Variants in USP8 observed in about 807,000 individuals in gnomAD.
The protein encoded by USP8 is ubiquitin specific peptidase 8.
USP8 carries 27 observed loss-of-function variants against 130.0 expected under a neutral mutation model. The observed-to-expected ratio is 0.21, with a 90% CI of 0.15 to 0.29. USP8 has a LOEUF of 0.29. Ranked by LOEUF, USP8 falls within the 10% of genes least tolerant of loss-of-function variation. The probability of loss-of-function intolerance (pLI) is 1.00; values close to 1 mark genes in which losing one functional copy is unlikely to be tolerated. For missense variants in USP8, 1,029 were observed against 1,312.2 expected, an observed-to-expected ratio of 0.78 and a Z score of 3.33; for synonymous variants, 392 against 444.1, an observed-to-expected ratio of 0.88 and a Z score of 1.48.
intron 15 of USP8, chr15:50,493,628 C>A: frequency 2.5e-6 from 1 of 397,456 alleles, no homozygotes. Flanking sequence ...GCCTATAGTC[C>A]CTGCTACTTG....
chr15:50,491,019 A>G (rs571665760), intron 14 of USP8, among the ~76,000 whole-genome samples: 14 of 152,066 alleles, frequency 9.2e-5, no homozygotes, highest in African/African-American at 3.4e-4. Flanking sequence ...CCTTCGTTGT[A>G]GTTTTGCTAT....
intron 15 of USP8, chr15:50,493,142 C>CGAAA: frequency 1.6e-6 from 1 of 609,566 alleles, no homozygotes; most frequent in East Asian, 3.5e-5. Context: ...AAGGTGGAAG[C>CGAAA]GAAAGAGGAC....
chr15:50,432,129 T>G (rs930205000), intron 1 of USP8, among the ~76,000 whole-genome samples: 2 of 152,184 alleles, frequency 1.3e-5, no homozygotes, highest in Non-Finnish European at 2.9e-5. Flanking sequence ...ACAAGCATTG[T>G]AGGATTCACA....
At chr15:50,486,330 T>C (rs947417256) in intron 12 of USP8, among the ~76,000 whole-genome samples, 1 of 151,456 alleles carries the variant, frequency 6.6e-6, no homozygotes. Context: ...GAAAAAAATA[T>C]TAAAAAATTA....
intron 1 of USP8, among the ~76,000 whole-genome samples, chr15:50,428,761 C>A (rs1443021135): frequency 2.0e-5 from 3 of 152,294 alleles, no homozygotes; most frequent in African/African-American, 7.2e-5. Flanking sequence ...ATCTTAGCAA[C>A]CTCAGCATGA....
intron 9 of USP8, 55 bp from the exon 10 acceptor site, chr15:50,477,221 G>C (rs1373091168): frequency 6.8e-7 from 1 of 1,478,160 alleles, no homozygotes; most frequent in East Asian, 2.3e-5. Context: ...AGAAATGTAA[G>C]TACTGTGTAT....
intron 14 of USP8, among the ~76,000 whole-genome samples, chr15:50,491,593 A>G (rs929968881): frequency 6.6e-6 from 1 of 152,210 alleles, no homozygotes; most frequent in African/African-American, 2.4e-5. Context: ...GCTGATTGAA[A>G]TATAGTTTAA....
chr15:50,428,203 G>T (rs867973163), intron 1 of USP8, among the ~76,000 whole-genome samples: 2 of 151,938 alleles, frequency 1.3e-5, no homozygotes, highest in African/African-American at 2.4e-5. Context: ...TGCACCCTCC[G>T]TCTGATGGGT....
At chr15:50,437,253 A>G (rs2050118784) in intron 1 of USP8, among the ~76,000 whole-genome samples, 1 of 152,160 alleles carries the variant, frequency 6.6e-6, no homozygotes, top group South Asian at 2.1e-4. Flanking sequence ...TGAGAACTAG[A>G]ACCTTGCTGT....
intron 8 of USP8, among the ~76,000 whole-genome samples, chr15:50,474,345 A>G (rs2051489370): frequency 6.6e-6 from 1 of 152,154 alleles, no homozygotes; most frequent in African/African-American, 2.4e-5. Flanking sequence ...AATGCTGGTG[A>G]GCATGTGGTG....
At chr15:50,493,425 T>G (rs759930457) in intron 15 of USP8, 11 of 518,830 alleles carry the variant, frequency 2.1e-5, no homozygotes, top group African/African-American at 1.9e-4. Context: ...TCCAGAAAAG[T>G]CAAATTAGGA....
intron 1 of USP8, among the ~76,000 whole-genome samples, chr15:50,437,065 A>G (rs2050112785): frequency 6.6e-6 from 1 of 151,932 alleles, no homozygotes; most frequent in African/African-American, 2.4e-5. Flanking sequence ...CCTAACTTTT[A>G]CATCTCTCTG....
At chr15:50,430,436 C>G (rs1331103865) in intron 1 of USP8, among the ~76,000 whole-genome samples, 1 of 152,124 alleles carries the variant, frequency 6.6e-6, no homozygotes, top group East Asian at 1.9e-4. Context: ...CAGGGTCTCC[C>G]TCTATTGCTC....
In USP8 at chr15:50,507,340, C is replaced by T. The variant is rs1473416921; in HGVS notation, c.*8252C>T. Reference sequence around the variant, plus strand: ...TCTATGCACTATATAACATTTAGAACTCAGAAAAGGTGTATTTCCCTTGAG... The same window carrying T: ...TCTATGCACTATATAACATTTAGAATTCAGAAAAGGTGTATTTCCCTTGAG... On this transcript the variant is annotated 3_prime_UTR_variant, in exon 20 of 20. Transcript: ENST00000307179. 6.6e-6 allele frequency: 1 copy of T among 152,148 alleles called. No individual in the cohort carries two copies. Among genetic ancestry groups the T allele is most frequent in the East Asian group, 1.9e-4 (1 of 5,192 alleles). The allele number at this position is 152,148 out of a possible 1,614,324, so 9.4% of individuals were successfully genotyped here. A position where few individuals can be genotyped will look rare whatever the true frequency, so the allele number is the denominator to read the frequency against.
intron 10 of USP8, among the ~76,000 whole-genome samples, chr15:50,480,226 G>A (rs774629879): frequency 6.6e-6 from 1 of 152,130 alleles, no homozygotes; most frequent in Non-Finnish European, 1.5e-5. Context: ...CTGTTAAATT[G>A]AGGTAATAAA....
chr15:50,425,737 AAACT>A (rs1220339088), intron 1 of USP8, among the ~76,000 whole-genome samples: 5 of 152,202 alleles, frequency 3.3e-5, no homozygotes, highest in African/African-American at 1.2e-4. Flanking sequence ...TGTATAAGAA[AAACT>A]AACAAAAATG....
intron 3 of USP8, among the ~76,000 whole-genome samples, chr15:50,445,127 G>A (rs2050382577): frequency 6.6e-6 from 1 of 152,096 alleles, no homozygotes; most frequent in Admixed American, 6.6e-5. Context: ...TCAGCTATGT[G>A]AGGTGCTAAA....
In USP8 at chr15:50,481,552, T is replaced by C. The variant is rs1405183616; in HGVS notation, c.1290T>C (p.His430=). The C allele has an allele frequency of 2.5e-6, 4 of 1,612,204 alleles. No homozygotes were observed. The change falls in exon 11 of 20, where the codon CAT becomes CAC. Residue 430 remains histidine (H), a synonymous_variant. Transcript: ENST00000307179. ...GAATAAAATCTGAAAGTACAAACCA[T>C]GAGCAACAATCTCCTCAGAGTGGAA... The part of the protein sequence containing the change: ...EHRIKSESTN[H]EQQSPQSGKV...
At chr15:50,483,693 C>G (rs1262322302) in intron 11 of USP8, among the ~76,000 whole-genome samples, 3 of 151,728 alleles carry the variant, frequency 2.0e-5, no homozygotes, top group East Asian at 1.9e-4. Flanking sequence ...GCTTGGGAGG[C>G]TGAAGCAGGA....
Sources: gnomAD v4.1 joint callset for allele counts (sites outside exome capture counted in the v4.1 genomes callset) on GRCh38, gnomAD v4.1.1 for gene constraint, MANE v1.5 for transcripts, NCBI Gene and HGNC (gene_info 2026-07-23, HGNC 2026-07-21) for gene names.